BTBD7: variants seen among roughly 807,000 people sequenced by gnomAD.
BTBD7 encodes BTB/POZ domain-containing protein 7.
Under a neutral mutation model 99.9 loss-of-function variants are expected in BTBD7, and 38 were observed. The ratio of observed to expected loss-of-function variants is 0.38; its 90% CI spans 0.29 to 0.50. The LOEUF is 0.50. Among genes scored for constraint, BTBD7 ranks in the 20% least tolerant of loss-of-function variants. The probability of loss-of-function intolerance (pLI) is 0.93; values close to 1 mark genes in which losing one functional copy is unlikely to be tolerated. For synonymous variants in BTBD7, 520 were observed against 511.4 expected, an observed-to-expected ratio of 1.02 and a Z score of -0.23; for missense variants, 1,170 against 1,394.6, an observed-to-expected ratio of 0.84 and a Z score of 2.57.
chr14:93,301,965 C>T (rs2053010167), intron 1 of BTBD7, among the ~76,000 whole-genome samples: 1 of 152,108 alleles, frequency 6.6e-6, no homozygotes, highest in South Asian at 2.1e-4. Context: ...AGGCAAAGCG[C>T]AGGAATTGAC....
chr14:93,246,948 CA>C (rs1490615257), intron 9 of BTBD7, among the ~76,000 whole-genome samples: 1 of 151,732 alleles, frequency 6.6e-6, no homozygotes, highest in African/African-American at 2.4e-5. Flanking sequence ...ATTAGGACAG[CA>C]GGGGGAAAAA....
chr14:93,245,960 G>A lies in BTBD7; in HGVS notation c.2448C>T (p.Tyr816=). 1 of 1,614,206 alleles carries A rather than the reference G, an allele frequency of 6.2e-7. No individual in the cohort carries two copies. The change falls in exon 10 of 11, where the codon TAC becomes TAT. Residue 816 remains tyrosine (Y), a synonymous_variant. Coordinates refer to ENST00000334746, the MANE Select transcript of BTBD7 (RefSeq NM_001002860.4). ...GCGGTGCAGCTTTCACACTCGGCAA[G>A]TAGACTGGGGGAGGGCCAGCTTTAG... ...TAPKAGPPPV[Y]LPSVKAAPPD...
chr14:93,328,583 A>C (rs1160188448), intron 1 of BTBD7, among the ~76,000 whole-genome samples: 5 of 149,990 alleles, frequency 3.3e-5, no homozygotes, highest in Non-Finnish European at 7.4e-5. Context: ...TAAAGACCTA[A>C]ATTAAGAGCC....
intron 8 of BTBD7, 82 bp from the exon 9 acceptor site, chr14:93,248,736 G>A: frequency 8.0e-7 from 1 of 1,246,544 alleles, no homozygotes. Context: ...AAAAAAGCAT[G>A]TATTTCATAC....
intron 1 of BTBD7, among the ~76,000 whole-genome samples, chr14:93,297,353 C>T (rs1295806980): frequency 7.9e-5 from 12 of 152,316 alleles, no homozygotes; most frequent in South Asian, 2.1e-4. Context: ...GACGGAGTCT[C>T]GCTCTGGCGC....
chr14:93,281,425 C>T (rs1205955426), intron 3 of BTBD7, among the ~76,000 whole-genome samples: 4 of 152,196 alleles, frequency 2.6e-5, no homozygotes, highest in Non-Finnish European at 5.9e-5. Context: ...GCATGAGCCG[C>T]CTCACCTAGC....
At chr14:93,309,489 T>TC (rs545594565) in intron 1 of BTBD7, among the ~76,000 whole-genome samples, 11 of 149,034 alleles carry the variant, frequency 7.4e-5, no homozygotes, top group Middle Eastern at 3.5e-3. Flanking sequence ...GTGTGTCTTA[T>TC]CCCCCCAACC....
intron 1 of BTBD7, among the ~76,000 whole-genome samples, chr14:93,312,461 T>C (rs2053148745): frequency 6.6e-6 from 1 of 152,248 alleles, no homozygotes; most frequent in Non-Finnish European, 1.5e-5. Context: ...AGAGAAATAA[T>C]ATGGTTATAG....
chr14:93,245,812 A>G lies in BTBD7; in HGVS notation c.2583+13T>C. 6.2e-7 allele frequency: 1 copy of G among 1,607,032 alleles called. No homozygotes were observed. The highest frequency in any genetic ancestry group is 1.1e-5 in the South Asian group (1 of 90,668). On this transcript the variant is annotated intron_variant, in intron 10 of 10. Coordinates refer to ENST00000334746, the MANE Select transcript of BTBD7 (RefSeq NM_001002860.4). ...AACCGAATTTGAAGCAAGTTACTGAAGTGTTGACTTACCACTTGCTTCTCA... is the reference window on the plus strand; with the variant it reads ...AACCGAATTTGAAGCAAGTTACTGAGGTGTTGACTTACCACTTGCTTCTCA...
In BTBD7 at chr14:93,332,987, G is replaced by T. The variant is rs1309197477; in HGVS notation, c.-274C>A. 1.4e-5 allele frequency: 8 copies of T among 580,776 alleles called. No individual in the cohort carries two copies. Among genetic ancestry groups the T allele is most frequent in the Non-Finnish European group, 2.3e-5 (8 of 354,732 alleles). 36.0% of individuals were successfully genotyped at this position (580,776 alleles called of 1,614,324 possible). A position where few individuals can be genotyped will look rare whatever the true frequency, so the allele number is the denominator to read the frequency against. On this transcript the variant is annotated 5_prime_UTR_variant, in exon 1 of 11. Coordinates refer to ENST00000334746, the MANE Select transcript of BTBD7 (RefSeq NM_001002860.4). ...TCTCCTGTCAGTGGCTCAGGCTCCG[G>T]GACTGCTCCAGGTTCCCCTCGCCGC...
intron 7 of BTBD7, among the ~76,000 whole-genome samples, chr14:93,253,157 G>A (rs2052387774): frequency 6.6e-6 from 1 of 152,146 alleles, no homozygotes; most frequent in Non-Finnish European, 1.5e-5. Flanking sequence ...ATGCGAACTA[G>A]TTACTTAACA....
intron 7 of BTBD7, 145 bp from the exon 8 acceptor site, chr14:93,251,797 T>C (rs2052370656): frequency 2.8e-6 from 2 of 714,518 alleles, no homozygotes; most frequent in Admixed American, 7.9e-5. Context: ...TGAAAGAAAG[T>C]TCCCCTACAT....
intron 1 of BTBD7, among the ~76,000 whole-genome samples, chr14:93,299,936 A>G (rs2052973220): frequency 6.6e-6 from 1 of 152,252 alleles, no homozygotes; most frequent in Non-Finnish European, 1.5e-5. Flanking sequence ...AGCATGATCT[A>G]AAGAAGCCCT....
intron 1 of BTBD7, among the ~76,000 whole-genome samples, chr14:93,302,763 T>C (rs2053020175): frequency 6.6e-6 from 1 of 152,138 alleles, no homozygotes; most frequent in Non-Finnish European, 1.5e-5. Flanking sequence ...AAGAATCGCT[T>C]GAACCCAGGA....
intron 1 of BTBD7, among the ~76,000 whole-genome samples, chr14:93,303,430 C>T (rs1595331310): frequency 6.6e-6 from 1 of 151,006 alleles, no homozygotes. Context: ...ATAGCAAGAC[C>T]CCATCTCAGA....
intron 3 of BTBD7, among the ~76,000 whole-genome samples, chr14:93,273,192 C>A (rs1312815641): frequency 6.6e-6 from 1 of 152,126 alleles, no homozygotes; most frequent in East Asian, 1.9e-4. Flanking sequence ...ACACCAGGAG[C>A]AGATTAAAAT....
At chr14:93,288,248 T>C (rs1187414036) in intron 3 of BTBD7, 8 of 455,382 alleles carry the variant, frequency 1.8e-5, no homozygotes, top group Non-Finnish European at 3.1e-5. Context: ...TCTCTTCACT[T>C]TTCTCTGGTA....
intron 1 of BTBD7, among the ~76,000 whole-genome samples, chr14:93,318,027 T>C (rs1360634135): frequency 6.6e-6 from 1 of 152,214 alleles, no homozygotes; most frequent in Admixed American, 6.5e-5. Flanking sequence ...CGTTGCCCCA[T>C]GGGCATTTTC....
In BTBD7 at chr14:93,252,829, T is replaced by G. The variant is rs535808382; in HGVS notation, c.1752+818A>C. On this transcript the variant is annotated intron_variant, in intron 7 of 10. Transcript: ENST00000334746. ...AAGGCCAAAGTTTTTTTGTTTTTTG[T>G]TTTTTTTTTGAAGACTGGTTCTTAC... 8.0e-4 allele frequency among the ~76,000 whole-genome samples: 115 copies of G among 142,974 alleles called. 2 individuals carry two copies. The highest frequency in any genetic ancestry group is 3.1e-3 in the African/African-American group (110 of 35,662). The allele number at this position is 142,974 out of a possible 152,430, so 93.8% of individuals were successfully genotyped here.
Sources: allele counts gnomAD v4.1 joint callset (sites outside exome capture counted in the v4.1 genomes callset), GRCh38; gene constraint gnomAD v4.1.1; transcripts MANE v1.5; gene names NCBI Gene and HGNC (gene_info 2026-07-23, HGNC 2026-07-21).